The following LYRM4 variants were observed in gnomAD, a reference collection of about 807,000 sequenced individuals.
LYRM4 encodes LYR motif-containing protein 4.
In LYRM4, 9 loss-of-function variants were observed where a neutral mutation model predicts 11.7. The observed-to-expected ratio is 0.77, with a 90% CI of 0.46 to 1.34. The LOEUF (loss-of-function observed/expected upper bound fraction) is 1.34. Ranked by LOEUF, LYRM4 falls within the 40% of genes most tolerant of loss-of-function variation. LYRM4 has a pLI of 0.00. For missense variants in LYRM4, 133 were observed against 112.5 expected (o/e 1.18, Z -0.82); for synonymous variants, 42 against 40.4 (o/e 1.04, Z -0.15).
intron 2 of LYRM4, among the ~76,000 whole-genome samples, chr6:5,208,260 AG>A (rs1761810490): frequency 6.6e-6 from 1 of 152,234 alleles, no homozygotes; most frequent in Non-Finnish European, 1.5e-5. Flanking sequence ...TTAGGCAAAT[AG>A]GCAACTTGCC....
At position 5,218,003 on chromosome 6, in the gene LYRM4, G is replaced by C. The variant is rs368656802; in HGVS notation, c.87-1265C>G. Among the ~76,000 whole-genome samples, 10 of 152,168 alleles carry C rather than the reference G, an allele frequency of 6.6e-5. No homozygotes were observed. In the East Asian group the frequency reaches 1.9e-3, roughly 29 times the overall value. On this transcript the variant is annotated intron_variant, in intron 1 of 2. Coordinates refer to ENST00000330636, the MANE Select transcript of LYRM4 (RefSeq NM_020408.6). ...GCTCACTGCAATTGCAAACTCCTGG[G>C]CTCAAGTGATCCTCCTGCCTCAGCC...
chr6:5,080,056 C>G, the LYRM4 span, among the ~76,000 whole-genome samples: 5 of 152,332 alleles, frequency 3.3e-5, no homozygotes, highest in South Asian at 1.0e-3. Flanking sequence ...AATTCTAAAA[C>G]TTGGAAATCA....
chr6:5,214,033 C>T lies in LYRM4; in HGVS notation c.207+2585G>A, dbSNP rs375751350. 4.6e-5 allele frequency among the ~76,000 whole-genome samples: 7 copies of T among 152,344 alleles called. No homozygotes were observed. In the East Asian group the frequency reaches 7.7e-4, roughly 17 times the overall value. ...GGCTGAGTCAGGATGTGAACACAGG[C>T]CGGCTGGCCGCAGAGTCCATGCTCT... On this transcript the variant is annotated intron_variant, in intron 2 of 2. Coordinates refer to ENST00000330636, the MANE Select transcript of LYRM4 (RefSeq NM_020408.6).
the LYRM4 span, among the ~76,000 whole-genome samples, chr6:5,055,420 G>T: frequency 6.6e-6 from 1 of 152,168 alleles, no homozygotes. The surrounding 1 kb of genome is among the most constrained non-coding windows in gnomAD (Gnocchi z 4.5). Flanking sequence ...GTAGAAATGG[G>T]AGTAAGAGTA....
At chr6:5,221,705 CA>C (rs562219472) in intron 1 of LYRM4, among the ~76,000 whole-genome samples, 13 of 152,300 alleles carry the variant, frequency 8.5e-5, no homozygotes, top group African/African-American at 2.6e-4. Flanking sequence ...AACAAACAAA[CA>C]AACAAACAAA....
At chr6:5,167,342 G>GT (rs1394978412) in intron 2 of LYRM4, among the ~76,000 whole-genome samples, 1 of 152,122 alleles carries the variant, frequency 6.6e-6, no homozygotes, top group Admixed American at 6.6e-5. Flanking sequence ...ACCAGAAAAT[G>GT]TCTTGTTCTA....
intron 2 of LYRM4, among the ~76,000 whole-genome samples, chr6:5,170,272 C>A (rs1055249305): frequency 6.6e-6 from 1 of 152,078 alleles, no homozygotes; most frequent in Admixed American, 6.5e-5. Context: ...GACCTATATA[C>A]GAAAACCAAT....
chr6:5,080,165 A>G, the LYRM4 span, among the ~76,000 whole-genome samples: 2 of 152,212 alleles, frequency 1.3e-5, no homozygotes, highest in Non-Finnish European at 2.9e-5. Flanking sequence ...TGAATGAAGG[A>G]GCCCAAGTTT....
At chr6:5,249,416 G>C (rs999364160) in intron 1 of LYRM4, among the ~76,000 whole-genome samples, 1 of 152,190 alleles carries the variant, frequency 6.6e-6, no homozygotes, top group Non-Finnish European at 1.5e-5. Context: ...GGGAAAGATA[G>C]GGTGAAAAGA....
chr6:5,093,616 T>TA, the LYRM4 span, among the ~76,000 whole-genome samples: 2 of 152,246 alleles, frequency 1.3e-5, no homozygotes, highest in Admixed American at 6.5e-5. Context: ...AAAAACTTTT[T>TA]AAAAGGAGTC....
chr6:5,119,404 C>T (rs1561808855), intron 2 of LYRM4, among the ~76,000 whole-genome samples: 1 of 152,138 alleles, frequency 6.6e-6, no homozygotes, highest in African/African-American at 2.4e-5. Context: ...CAGGTGTCTG[C>T]CTCAATCATG....
intron 2 of LYRM4, among the ~76,000 whole-genome samples, chr6:5,163,335 C>G (rs538012960): frequency 8.2e-4 from 125 of 152,248 alleles, no homozygotes; most frequent in Middle Eastern, 3.4e-3. Context: ...CACTGCACTG[C>G]ACGCCACCTT....
At chr6:5,141,510 T>C (rs1005780629) in intron 2 of LYRM4, among the ~76,000 whole-genome samples, 1 of 152,218 alleles carries the variant, frequency 6.6e-6, no homozygotes, top group African/African-American at 2.4e-5. Flanking sequence ...ATGTCCACCG[T>C]AGCGGAACAG....
At chr6:5,066,600 G>A in the LYRM4 span, 1 of 1,147,144 alleles carries the variant, frequency 8.7e-7, no homozygotes, top group East Asian at 2.4e-5. Flanking sequence ...TGGAATAAAA[G>A]TTTTGTCACT....
chr6:5,242,210 C>T (rs769968779), intron 1 of LYRM4, among the ~76,000 whole-genome samples: 40 of 151,766 alleles, frequency 2.6e-4, no homozygotes, highest in East Asian at 2.2e-3. Flanking sequence ...GTAACTAGGA[C>T]TACAGGCACG....
At chr6:5,083,689 A>G in the LYRM4 span, among the ~76,000 whole-genome samples, 6 of 152,174 alleles carry the variant, frequency 3.9e-5, no homozygotes, top group Admixed American at 1.3e-4. Flanking sequence ...CAGTCAATCA[A>G]TGTAAGCTCT....
chr6:5,089,244 A>G, the LYRM4 span: 4 of 152,238 alleles, frequency 2.6e-5, no homozygotes, highest in East Asian at 5.8e-4. Context: ...TATAAAAGCT[A>G]TGAAGCCTTC....
chr6:5,254,080 C>G (rs1346667351), intron 1 of LYRM4, among the ~76,000 whole-genome samples: 1 of 152,206 alleles, frequency 6.6e-6, no homozygotes. Context: ...CCCGGCAAAA[C>G]TGTTTCATCT....
At chr6:5,160,518 G>T (rs1420518877) in intron 2 of LYRM4, among the ~76,000 whole-genome samples, 1 of 151,978 alleles carries the variant, frequency 6.6e-6, no homozygotes, top group Admixed American at 6.5e-5. Context: ...TATAATATCA[G>T]ATTTAAAGGA....
Sources: allele counts gnomAD v4.1 joint callset (sites outside exome capture counted in the v4.1 genomes callset), GRCh38; gene constraint gnomAD v4.1.1; non-coding constraint Gnocchi (gnomAD v3.1); transcripts MANE v1.5; gene names NCBI Gene and HGNC (gene_info 2026-07-23, HGNC 2026-07-21).